SDK1: variants seen among roughly 807,000 people sequenced by gnomAD.
SDK1 encodes protein sidekick-1.
SDK1 carries 157 observed loss-of-function variants against 245.5 expected under a neutral mutation model. The observed-to-expected ratio is 0.64, with a 90% CI of 0.56 to 0.73. SDK1 has a LOEUF of 0.73. SDK1 is among the 30% of genes least tolerant of loss of function. The pLI, the probability that SDK1 is intolerant of heterozygous loss-of-function variation, is 0.00. For synonymous variants in SDK1, 1,647 were observed against 1,278.5 expected (o/e 1.29, Z -6.15); for missense variants, 3,583 against 3,002.3 (o/e 1.19, Z -4.52).
At chr7:3,344,034 A>C (rs1330570026) in intron 1 of SDK1, among the ~76,000 whole-genome samples, 1 of 148,968 alleles carries the variant, frequency 6.7e-6, no homozygotes, top group African/African-American at 2.5e-5. Context: ...AAAAAAAAAA[A>C]AACTAGAAAT....
intron 4 of SDK1, among the ~76,000 whole-genome samples, chr7:3,686,264 C>T (rs1201014367): frequency 2.6e-5 from 4 of 152,160 alleles, no homozygotes; most frequent in East Asian, 1.9e-4. Context: ...TTAGTAGAGA[C>T]GGGGTTTCAC....
At chr7:3,445,638 G>A (rs187494704) in intron 1 of SDK1, among the ~76,000 whole-genome samples, 1 of 152,188 alleles carries the variant, frequency 6.6e-6, no homozygotes, top group East Asian at 1.9e-4. Context: ...ACTGACATTG[G>A]TACAATGTAT....
intron 1 of SDK1, among the ~76,000 whole-genome samples, chr7:3,436,484 G>A (rs907929473): frequency 2.0e-5 from 3 of 151,970 alleles, no homozygotes; most frequent in African/African-American, 7.3e-5. Context: ...TTTAATGTTT[G>A]CAAACCTGAA....
intron 1 of SDK1, among the ~76,000 whole-genome samples, chr7:3,400,857 AG>A (rs1211718868): frequency 6.6e-6 from 1 of 152,180 alleles, no homozygotes; most frequent in African/African-American, 2.4e-5. Flanking sequence ...CTTCAACCTC[AG>A]TTTTCAAAGC....
At chr7:3,788,095 G>C (rs1178930143) in intron 4 of SDK1, among the ~76,000 whole-genome samples, 1 of 152,140 alleles carries the variant, frequency 6.6e-6, no homozygotes, top group South Asian at 2.1e-4. Context: ...CCCACCTCCC[G>C]GCCCGGGACC....
At position 4,130,058 on chromosome 7, in the gene SDK1, C is replaced by T. The variant is rs1199956216; in HGVS notation, c.4090C>T (p.Pro1364Ser). Residue 1364 changes from proline to serine, a missense_variant, in exon 27 of 45, where the codon CCC becomes TCC. Transcript: ENST00000404826. ...LAFTRIGNGV[P>S]STPLILERTK... The stretch of plus-strand genomic sequence containing the variant: ...GTTCACCCGCATCGGGAACGGGGTC[C>T]CCAGCACGCCCCTCATCCTGGAGCG... 3 of 1,611,460 alleles carry T rather than the reference C, an allele frequency of 1.9e-6. No homozygotes were observed. The highest frequency in any genetic ancestry group is 3.3e-5 in the Admixed American group (2 of 59,834).
chr7:3,718,956 C>A (rs768972978), intron 4 of SDK1, among the ~76,000 whole-genome samples: 2 of 152,120 alleles, frequency 1.3e-5, no homozygotes, highest in Non-Finnish European at 2.9e-5. Context: ...CATAAAAATC[C>A]ATCACGTTTC....
intron 1 of SDK1, among the ~76,000 whole-genome samples, chr7:3,507,864 C>G (rs577682510): frequency 4.6e-5 from 7 of 152,184 alleles, no homozygotes; most frequent in Admixed American, 6.5e-5. Flanking sequence ...TTGCTTTCAT[C>G]CAGCAGTTCC....
At chr7:4,077,426 C>G (rs1169271284) in intron 21 of SDK1, among the ~76,000 whole-genome samples, 1 of 152,212 alleles carries the variant, frequency 6.6e-6, no homozygotes, top group Non-Finnish European at 1.5e-5. Context: ...TGGCCTCAGC[C>G]AGTTCCCAGA....
chr7:3,406,396 G>C (rs1037857559), intron 1 of SDK1, among the ~76,000 whole-genome samples: 1 of 152,110 alleles, frequency 6.6e-6, no homozygotes, highest in Non-Finnish European at 1.5e-5. Context: ...GGAGTTACTC[G>C]TTGTGTCTGA....
chr7:3,891,393 T>C (rs1179242494), intron 5 of SDK1, among the ~76,000 whole-genome samples: 1 of 152,206 alleles, frequency 6.6e-6, no homozygotes, highest in Non-Finnish European at 1.5e-5. Flanking sequence ...CTCTCCTTCA[T>C]GGCTGAGCAG....
chr7:4,051,233 TTA>T (rs1223178783), intron 18 of SDK1, among the ~76,000 whole-genome samples: 2 of 143,026 alleles, frequency 1.4e-5, no homozygotes. Flanking sequence ...ACTATATATG[TTA>T]TATAGTATAT....
intron 44 of SDK1, among the ~76,000 whole-genome samples, chr7:4,262,525 T>C (rs902613337): frequency 6.6e-5 from 10 of 151,564 alleles, no homozygotes; most frequent in African/African-American, 2.4e-4. Context: ...TCAGGCCACT[T>C]TTCCGTGTGT....
chr7:4,147,386 G>A (rs1318886745), intron 29 of SDK1, among the ~76,000 whole-genome samples: 1 of 152,050 alleles, frequency 6.6e-6, no homozygotes, highest in Non-Finnish European at 1.5e-5. Flanking sequence ...ACCCATCTTG[G>A]CCGCCCAAAG....
At position 4,267,740 on chromosome 7, in the gene SDK1, T is replaced by C; in HGVS notation, c.*2356T>C. 10 of 985,514 alleles carry C rather than the reference T, an allele frequency of 1.0e-5. No individual in the cohort carries two copies. The highest frequency in any genetic ancestry group is 1.2e-5 in the Non-Finnish European group (10 of 829,972). The allele number at this position is 985,514 out of a possible 1,614,324, so 61.0% of individuals were successfully genotyped here. On this transcript the variant is annotated 3_prime_UTR_variant, in exon 45 of 45. Transcript: ENST00000404826. ...TTTCGATACAACATCATGACACTTCTGTTTCAAGCTCATGTTTTCCGTCTC... is the reference window on the plus strand; with the variant it reads ...TTTCGATACAACATCATGACACTTCCGTTTCAAGCTCATGTTTTCCGTCTC...
intron 1 of SDK1, among the ~76,000 whole-genome samples, chr7:3,594,502 G>C (rs1354191630): frequency 6.6e-6 from 1 of 152,142 alleles, no homozygotes; most frequent in African/African-American, 2.4e-5. Context: ...ATGGTAACTT[G>C]ATACCTAACA....
chr7:4,071,559 A>C (rs1780257996), intron 20 of SDK1, among the ~76,000 whole-genome samples: 1 of 152,220 alleles, frequency 6.6e-6, no homozygotes, highest in Admixed American at 6.5e-5. Context: ...AAGCAAAGGC[A>C]GGGGGAACTG....
At chr7:4,173,776 C>T (rs993064914) in intron 32 of SDK1, among the ~76,000 whole-genome samples, 2 of 152,102 alleles carry the variant, frequency 1.3e-5, no homozygotes, top group Non-Finnish European at 2.9e-5. Context: ...GTGAGGGGTA[C>T]AGTACGGCAG....
intron 25 of SDK1, 104 bp from the exon 26 acceptor site, chr7:4,127,277 C>T (rs571709772): frequency 1.1e-5 from 9 of 817,678 alleles, no homozygotes; most frequent in South Asian, 5.8e-5. Context: ...GCTTAGAATA[C>T]GTTGCTATTT....
Sources: allele counts gnomAD v4.1 joint callset (sites outside exome capture counted in the v4.1 genomes callset), GRCh38; gene constraint gnomAD v4.1.1; transcripts MANE v1.5; gene names NCBI Gene and HGNC (gene_info 2026-07-23, HGNC 2026-07-21).